Variants in PML observed in about 807,000 individuals in gnomAD.
PML encodes the protein protein PML.
In PML, 28 loss-of-function variants were observed where a neutral mutation model predicts 65.2. That is an observed-to-expected ratio of 0.43 (90% CI 0.32 to 0.59). The LOEUF is 0.59. Among genes scored for constraint, PML ranks in the 20% least tolerant of loss-of-function variants. The pLI, the probability that PML is intolerant of heterozygous loss-of-function variation, is 0.08. For missense variants in PML, 1,021 were observed against 1,203.4 expected (o/e 0.85, Z 2.24); for synonymous variants, 500 against 508.8 (o/e 0.98, Z 0.23).
chr15:74,027,055 T>C (rs538994001), intron 4 of PML: 2 of 152,242 alleles, frequency 1.3e-5, no homozygotes, highest in Non-Finnish European at 2.9e-5. Flanking sequence ...AAAGGTAGGA[T>C]AATACCAGAT....
At position 74,010,026 on chromosome 15, in the gene PML, T is replaced by C. The variant is rs77405934; in HGVS notation, c.602+11550T>C. On this transcript the variant is annotated intron_variant, in intron 2 of 8. Transcript: ENST00000268058. ...GAACAATTTGGGTTTTTTAGTTTTG[T>C]TTTTTTGAGACAGGGACTTGCTCTG... is the stretch of plus-strand genomic sequence containing the variant. 3.3e-3 allele frequency among the ~76,000 whole-genome samples: 492 copies of C among 151,360 alleles called. 1 individual carries two copies. The highest frequency in any genetic ancestry group is 7.8e-3 in the South Asian group (37 of 4,772).
chr15:74,005,555 C>T (rs74928084), intron 2 of PML, among the ~76,000 whole-genome samples: 7,004 of 151,738 alleles, frequency 0.046, 237 homozygotes, highest in East Asian at 0.18. Context: ...ATCTGCTACC[C>T]CTGTAGAGTT....
intron 4 of PML, among the ~76,000 whole-genome samples, chr15:74,029,951 AAAGG>A (rs1036772556): frequency 2.6e-5 from 4 of 152,128 alleles, no homozygotes; most frequent in Admixed American, 1.3e-4. Context: ...GGAGAAAAAG[AAAGG>A]AAGGAAGGAA....
At position 74,035,532 on chromosome 15, in the gene PML, G is replaced by A. The variant is rs1212064063; in HGVS notation, c.1710+1002G>A. 1 of 1,610,764 alleles carries A rather than the reference G, an allele frequency of 6.2e-7. No individual in the cohort carries two copies. The highest frequency in any genetic ancestry group is 8.5e-7 in the Non-Finnish European group (1 of 1,179,332). ...TATTCGGACTTGGTCTCCCCATGTG[G>A]TCCAAGCCAGCACTCCTGCCATCAC... On this transcript the variant is annotated intron_variant, in intron 7 of 8. Coordinates refer to ENST00000268058, the MANE Select transcript of PML (RefSeq NM_033238.3). This position sits in a 1 kb window ranked among gnomAD's most constrained non-coding sequence, Gnocchi z 4.1.
chr15:74,036,223 G>A lies in PML; in HGVS notation c.1710+1693G>A. ...CAAGAAAGAAACTTCTGTCACCCTT[G>A]CACTCTCCTGTATTCTGAGTCCCTG... is the stretch of plus-strand genomic sequence containing the variant. On this transcript the variant is annotated intron_variant, in intron 7 of 8. Transcript: ENST00000268058. 3 of 1,551,720 alleles carry A rather than the reference G, an allele frequency of 1.9e-6. No individual in the cohort carries two copies. The South Asian group carries it at 3.5e-5, about 18-fold the overall frequency.
At chr15:73,996,128 A>G (rs189217033) in intron 1 of PML, among the ~76,000 whole-genome samples, 70 of 152,322 alleles carry the variant, frequency 4.6e-4, no homozygotes, top group African/African-American at 1.6e-3. Flanking sequence ...TAAGTGTACC[A>G]TTCAGTGGCA....
intron 2 of PML, among the ~76,000 whole-genome samples, chr15:73,999,834 ATTT>A (rs368015472): frequency 2.2e-5 from 3 of 135,774 alleles, no homozygotes; most frequent in Non-Finnish European, 3.2e-5. Flanking sequence ...ATTTTTTTTA[ATTT>A]TTTTTTTTTT....
At chr15:74,003,616 T>G (rs2141734694) in intron 2 of PML, among the ~76,000 whole-genome samples, 1 of 152,374 alleles carries the variant, frequency 6.6e-6, no homozygotes, top group South Asian at 2.1e-4. Context: ...TGAAATAATG[T>G]GAACTTTTAG....
At chr15:74,030,249 G>A (rs556170908) in intron 4 of PML, among the ~76,000 whole-genome samples, 3 of 152,298 alleles carry the variant, frequency 2.0e-5, no homozygotes, top group South Asian at 4.1e-4. Context: ...TCCAGTGGAC[G>A]CTTAAAGTTC....
intron 2 of PML, among the ~76,000 whole-genome samples, chr15:74,011,932 G>A (rs1254436322): frequency 6.6e-6 from 1 of 152,180 alleles, no homozygotes; most frequent in Admixed American, 6.5e-5. Flanking sequence ...GCAGCCCACA[G>A]CTAATGACTG....
intron 2 of PML, among the ~76,000 whole-genome samples, chr15:74,009,339 G>A (rs1352215877): frequency 2.6e-5 from 4 of 152,190 alleles, no homozygotes; most frequent in African/African-American, 9.7e-5. Context: ...CTCTCTTGGT[G>A]CCCTCTGTGA....
chr15:74,004,062 T>A (rs966976747), intron 2 of PML, among the ~76,000 whole-genome samples: 1 of 152,242 alleles, frequency 6.6e-6, no homozygotes, highest in African/African-American at 2.4e-5. Context: ...GTCTATTTTT[T>A]CTCTGTGAGT....
At chr15:74,010,391 C>G (rs1173387491) in intron 2 of PML, among the ~76,000 whole-genome samples, 3 of 150,874 alleles carry the variant, frequency 2.0e-5, no homozygotes, top group South Asian at 2.1e-4. Flanking sequence ...GTGGTGCACG[C>G]CTGTAGTCCC....
Position 74,033,900 on chromosome 15 carries a change from G to A in PML, c.1657+486G>A, listed in dbSNP as rs2071429938. On this transcript the variant is annotated intron_variant, in intron 6 of 8. Coordinates refer to ENST00000268058, the MANE Select transcript of PML (RefSeq NM_033238.3). Reference sequence around the variant, plus strand: ...TTCTATGAACACTGCCAGGCAGGTAGTCAGTTGGGCAGGAGTTGAGGTCAA... The same window carrying A: ...TTCTATGAACACTGCCAGGCAGGTAATCAGTTGGGCAGGAGTTGAGGTCAA... 7 of 402,968 alleles carry A rather than the reference G, an allele frequency of 1.7e-5. No homozygotes were observed. In the Admixed American group the frequency reaches 2.8e-4, roughly 16 times the overall value. 25.0% of individuals were successfully genotyped at this position (402,968 alleles called of 1,614,324 possible). A position where few individuals can be genotyped will look rare whatever the true frequency, so the allele number is the denominator to read the frequency against.
In PML at chr15:73,998,462, C is replaced by G. The variant is rs751591785; in HGVS notation, c.588C>G (p.Thr196=). 1.2e-6 allele frequency: 2 copies of G among 1,613,782 alleles called. No individual in the cohort carries two copies. The highest frequency in any genetic ancestry group is 1.3e-5 in the African/African-American group (1 of 74,922). The change falls in exon 2 of 9, where the codon ACC becomes ACG. Residue 196 remains threonine, a synonymous_variant. Transcript: ENST00000268058. ...TCTGCTCCAACCCCAACCACCGCACCCCTACGCTGACCAGGTGAGTAGGCC... is the reference window on the plus strand; with the variant it reads ...TCTGCTCCAACCCCAACCACCGCACGCCTACGCTGACCAGGTGAGTAGGCC... ...NIFCSNPNHR[T]PTLTSIYCRG...
Position 74,022,825 on chromosome 15 carries a change from C to T in PML, c.603-3C>T. 6.2e-7 allele frequency: 1 copy of T among 1,613,658 alleles called. No individual in the cohort carries two copies. The highest frequency in any genetic ancestry group is 8.5e-7 in the Non-Finnish European group (1 of 1,179,802). ...AACCCAGGCCAACCTTGTGTGTCCA[C>T]AGCATCTACTGCCGAGGATGTTCCA... On this transcript the variant is annotated splice_region_variant and splice_polypyrimidine_tract_variant and intron_variant, in intron 2 of 8. Coordinates refer to ENST00000268058, the MANE Select transcript of PML (RefSeq NM_033238.3).
chr15:73,999,520 C>T (rs1365278864), intron 2 of PML, among the ~76,000 whole-genome samples: 5 of 152,280 alleles, frequency 3.3e-5, no homozygotes, highest in East Asian at 1.9e-4. Flanking sequence ...GGTATCACCA[C>T]GTTTCTTAGC....
rs2071605093 is a variant in PML, at chr15:74,037,767, G to A, written c.1710+3237G>A. 2.1e-6 allele frequency: 2 copies of A among 956,268 alleles called. No homozygotes were observed. Among genetic ancestry groups the A allele is most frequent in the South Asian group, 9.6e-5 (2 of 20,728 alleles). The allele number at this position is 956,268 out of a possible 1,614,324, so 59.2% of individuals were successfully genotyped here. A position where few individuals can be genotyped will look rare whatever the true frequency, so the allele number is the denominator to read the frequency against. On this transcript the variant is annotated intron_variant, in intron 7 of 8. Transcript: ENST00000268058. The surrounding 1 kb of genome is among the most constrained non-coding windows in gnomAD (Gnocchi z 4.2). Reference sequence around the variant, plus strand: ...CCTCTGCAGGCTCTGTTTTTTCTTGGTTGTGGTGCTCCTGCAGGTTTGCTG... The same window carrying A: ...CCTCTGCAGGCTCTGTTTTTTCTTGATTGTGGTGCTCCTGCAGGTTTGCTG...
rs747007010 is a variant in PML at position 74,035,273 on chromosome 15, G to A, written c.1710+743G>A. The A allele has an allele frequency of 1.2e-6, 2 of 1,613,072 alleles. No homozygotes were observed. The highest frequency in any genetic ancestry group is 1.7e-5 in the Admixed American group (1 of 60,002). On this transcript the variant is annotated intron_variant, in intron 7 of 8. Transcript: ENST00000268058. The surrounding 1 kb of genome is among the most constrained non-coding windows in gnomAD (Gnocchi z 4.1). ...ACTCCTCGCCAGTCCAGTCTCTGCT[G>A]AGAGCACAAGGAGCCTCCAGCCTGC... is the stretch of plus-strand genomic sequence containing the variant.
Sources: allele counts gnomAD v4.1 joint callset (sites outside exome capture counted in the v4.1 genomes callset), GRCh38; gene constraint gnomAD v4.1.1; non-coding constraint Gnocchi (gnomAD v3.1); transcripts MANE v1.5; gene names NCBI Gene and HGNC (gene_info 2026-07-23, HGNC 2026-07-21).